Variants in SH2B1 observed in about 807,000 individuals in gnomAD.
SH2B1 encodes SH2B adapter protein 1.
Under a neutral mutation model 62.6 loss-of-function variants are expected in SH2B1, and 15 were observed. The ratio of observed to expected loss-of-function variants is 0.24; its 90% confidence interval spans 0.16 to 0.37. SH2B1 has a LOEUF of 0.37. Among genes scored for constraint, SH2B1 ranks in the 10% least tolerant of loss-of-function variants. The pLI is 1.00. For synonymous variants in SH2B1, 443 were observed against 438.0 expected (o/e 1.01, Z -0.14); for missense variants, 925 against 1,015.6 (o/e 0.91, Z 1.21).
chr16:28,852,196 T>TATTTACATATATATATTTACA (rs1962115247), intron 1 of SH2B1, among the ~76,000 whole-genome samples: 1 of 82,922 alleles, frequency 1.2e-5, no homozygotes, highest in African/African-American at 5.5e-5. Context: ...ATATTTTTAT[T>TATTTACATATATATATTTACA]TATATATTTA....
intron 4 of SH2B1, 79 bp downstream of exon 4, chr16:28,869,462 C>G (rs1021974222): frequency 1.5e-6 from 2 of 1,300,606 alleles, no homozygotes; most frequent in African/African-American, 2.9e-5. Context: ...CATGCCCTCT[C>G]CAGACGCCAC....
At position 28,871,889 on chromosome 16, in the gene SH2B1, C is replaced by G; in HGVS notation, c.1419C>G (p.Pro473=). The G allele has an allele frequency of 1.4e-6, 2 of 1,476,308 alleles. No individual in the cohort carries two copies. The highest frequency in any genetic ancestry group is 1.9e-6 in the Non-Finnish European group (2 of 1,059,176). 91.5% of individuals were successfully genotyped at this position (1,476,308 alleles called of 1,614,324 possible). A position where few individuals can be genotyped will look rare whatever the true frequency, so the allele number is the denominator to read the frequency against. Residue 473 remains proline, a synonymous_variant, in exon 5 of 8, where the codon CCC becomes CCG. Transcript: ENST00000684370. ...DSMELLPPEL[P]PRIPIEEGPP... is the part of the protein sequence containing the mutation. ...TGGAACTGCTTCCCCCAGAGTTGCC[C>G]CCCCGCATCCCCATTGAAGAGGGAC...
rs1322065188 is a variant in SH2B1 at position 28,852,392 on chromosome 16, A to ATT, written c.-301+5566_-301+5567insTT. On this transcript the variant is annotated intron_variant, in intron 1 of 10. Coordinates refer to the SH2B1 transcript ENST00000322610. ...TATATATTTACATATATTTATATAT[A>ATT]TACATATATATTTACATATATATTT... is the stretch of plus-strand genomic sequence containing the variant. Among the ~76,000 whole-genome samples, 16 of 72,348 alleles carry ATT rather than the reference A, an allele frequency of 2.2e-4. 4 individuals are homozygous for ATT. The East Asian group carries it at 4.6e-3, about 21-fold the overall frequency. The allele number at this position is 72,348 out of a possible 152,430, so 47.5% of individuals were successfully genotyped here. A position where few individuals can be genotyped will look rare whatever the true frequency, so the allele number is the denominator to read the frequency against.
At position 28,867,598 on chromosome 16, in the gene SH2B1, A is replaced by T. The variant is rs559909945; in HGVS notation, c.1041+166A>T. Among the ~76,000 whole-genome samples, 35 of 152,324 alleles carry T rather than the reference A, an allele frequency of 2.3e-4. 1 individual carries two copies. The highest frequency in any genetic ancestry group is 1.9e-3 in the South Asian group (9 of 4,830). On this transcript the variant is annotated intron_variant, in intron 2 of 7. Transcript: ENST00000684370. ...TTCTGGGATAGCGGAAGACAGGGAAATGTTCTTACTCTCAAAAACAATGCC... is the reference window on the plus strand; with the variant it reads ...TTCTGGGATAGCGGAAGACAGGGAATTGTTCTTACTCTCAAAAACAATGCC...
At chr16:28,858,507 CTG>C (rs906705493) in intron 1 of SH2B1, among the ~76,000 whole-genome samples, 22 of 152,116 alleles carry the variant, frequency 1.4e-4, no homozygotes, top group African/African-American at 5.3e-4. Flanking sequence ...CAGTGAGACT[CTG>C]TCTCAAACAA....
At chr16:28,868,966 C>G in intron 2 of SH2B1, 40 bp from the exon 3 acceptor site, 1 of 1,485,450 alleles carries the variant, frequency 6.7e-7, no homozygotes, top group Non-Finnish European at 9.4e-7. Context: ...AGCCTCCTCC[C>G]TGCCCCTGCC....
At position 28,856,272 on chromosome 16, in the gene SH2B1, C is replaced by CAA. The variant is rs56248422; in HGVS notation, c.-300-5330_-300-5329dup. Among the ~76,000 whole-genome samples, 145 of 97,378 alleles carry CAA rather than the reference C, an allele frequency of 1.5e-3. 1 individual carries two copies. Among genetic ancestry groups the CAA allele is most frequent in the Middle Eastern group, 7.0e-3 (1 of 142 alleles). The allele number at this position is 97,378 out of a possible 152,430, so 63.9% of individuals were successfully genotyped here. ...CAGGGGACCGTGCAAGACTCCATCT[C>CAA]AAAAAAAAAAAAAAAAACCACACAC... On this transcript the variant is annotated intron_variant, in intron 1 of 10. Transcript: ENST00000322610.
In SH2B1 at chr16:28,869,114, C is replaced by G; in HGVS notation, c.1133+17C>G. On this transcript the variant is annotated intron_variant, in intron 3 of 7. Transcript: ENST00000684370. ...GAGCCCAGGGTGAGAAGCCTGACTT[C>G]TGTCGCTAAGGGACATAGAGTGGGG... The G allele has an allele frequency of 2.5e-6, 4 of 1,613,888 alleles. No individual in the cohort carries two copies. The highest frequency in any genetic ancestry group is 2.5e-6 in the Non-Finnish European group (3 of 1,179,738).
chr16:28,863,678 A>G, upstream of SH2B1: 1 of 1,534,996 alleles, frequency 6.5e-7, no homozygotes, highest in African/African-American at 1.4e-5. Context: ...GTGCAACTGG[A>G]GAAGGCACTG....
intron 1 of SH2B1, among the ~76,000 whole-genome samples, chr16:28,855,868 G>T (rs1962313306): frequency 7.2e-6 from 1 of 138,496 alleles, no homozygotes; most frequent in Non-Finnish European, 1.5e-5. Flanking sequence ...TGTTGGCCAG[G>T]ATGGTCTCGA....
chr16:28,857,241 T>C (rs1298322767), intron 1 of SH2B1, among the ~76,000 whole-genome samples: 1 of 149,850 alleles, frequency 6.7e-6, no homozygotes, highest in Non-Finnish European at 1.5e-5. Flanking sequence ...CGAGATTGCA[T>C]CACTGCACTC....
At chr16:28,858,246 C>T (rs923716540) in intron 1 of SH2B1, among the ~76,000 whole-genome samples, 4 of 152,092 alleles carry the variant, frequency 2.6e-5, no homozygotes, top group East Asian at 1.9e-4. Flanking sequence ...GGCACAGTGG[C>T]TCACGCCTGT....
rs544953325 is a variant in SH2B1 at position 28,857,800 on chromosome 16, C to T, written c.-300-3818C>T. 2.3e-4 allele frequency among the ~76,000 whole-genome samples: 35 copies of T among 150,394 alleles called. 1 individual carries two copies. The highest frequency in any genetic ancestry group is 1.5e-3 in the South Asian group (7 of 4,758). ...TGTTGCCCAGGCTGGAGTGCAGTGG[C>T]GCAATCTCGGCTCACTGCAAGCTCC... On this transcript the variant is annotated intron_variant, in intron 1 of 10. Coordinates refer to the SH2B1 transcript ENST00000322610.
upstream of SH2B1, chr16:28,863,704 C>G (rs1466501177): frequency 1.0e-5 from 16 of 1,535,674 alleles, no homozygotes; most frequent in South Asian, 3.6e-5. Context: ...CTACGAGATT[C>G]ACACCGTCTT....
In SH2B1 at chr16:28,864,490, T is replaced by C; in HGVS notation, c.-1605T>C. 2.0e-6 allele frequency: 2 copies of C among 985,732 alleles called. No homozygotes were observed. The highest frequency in any genetic ancestry group is 2.4e-6 in the Non-Finnish European group (2 of 830,044). The allele number at this position is 985,732 out of a possible 1,614,324, so 61.1% of individuals were successfully genotyped here. A position where few individuals can be genotyped will look rare whatever the true frequency, so the allele number is the denominator to read the frequency against. On this transcript the variant is annotated 5_prime_UTR_variant, in exon 1 of 8. Transcript: ENST00000684370. ...GACTCCTGCATCTCCTGATTGTTTC[T>C]CGTTGGTTTGGAGTTGTCCCTGCGG...
In SH2B1 at chr16:28,873,529, G is replaced by A. The variant is rs776698232; in HGVS notation, c.1980G>A (p.Ala660=). 7.4e-5 allele frequency: 118 copies of A among 1,604,080 alleles called. No individual in the cohort carries two copies. The highest frequency in any genetic ancestry group is 9.8e-5 in the Non-Finnish European group (115 of 1,176,080). The change falls in exon 8 of 8, where the codon GCG becomes GCA. Residue 660 remains alanine (A), a synonymous_variant. Coordinates refer to ENST00000684370, the MANE Select transcript of SH2B1 (RefSeq NM_001387430.1). The surrounding 1 kb of genome is among the most constrained non-coding windows in gnomAD (Gnocchi z 4.2). ...CCCCACAGCCTGGGGCAGAAGAGGC[G>A]TCGAGGGCGCCAGAAGTGGCGGCAG... The part of the protein sequence containing the change: ...TDPPQPGAEE[A]SRAPEVAAAA...
In SH2B1 at chr16:28,865,791, A is replaced by T. The variant is rs1269028382; in HGVS notation, c.-304A>T. On this transcript the variant is annotated 5_prime_UTR_variant, in exon 1 of 8. Transcript: ENST00000684370. ...TCCAAAGCTAAGGAAAGTGGGGGCAAATGTGGCAGGCTCGGGGCAGGTTAG... is the reference window on the plus strand; with the variant it reads ...TCCAAAGCTAAGGAAAGTGGGGGCATATGTGGCAGGCTCGGGGCAGGTTAG... 3.4e-6 allele frequency: 4 copies of T among 1,161,430 alleles called. No individual in the cohort carries two copies. Among genetic ancestry groups the T allele is most frequent in the Admixed American group, 4.4e-5 (1 of 22,668 alleles). 71.9% of individuals were successfully genotyped at this position (1,161,430 alleles called of 1,614,324 possible).
At chr16:28,861,009 G>C (rs1367924486), upstream of SH2B1, among the ~76,000 whole-genome samples, 1 of 151,940 alleles carries the variant, frequency 6.6e-6, no homozygotes, top group Non-Finnish European at 1.5e-5. Flanking sequence ...GTAGAGATGA[G>C]GTTTCGCCAT....
Position 28,863,952 on chromosome 16 carries a change from C to G in SH2B1, c.-2143C>G. 1 of 1,454,930 alleles carries G rather than the reference C, an allele frequency of 6.9e-7. No homozygotes were observed. Among genetic ancestry groups the G allele is most frequent in the Non-Finnish European group, 9.0e-7 (1 of 1,111,290 alleles). The allele number at this position is 1,454,930 out of a possible 1,614,324, so 90.1% of individuals were successfully genotyped here. ...CTCGGGGACCGAGATGCAGGTGGGA[C>G]CGGAACCGGAACCCCCCTCTTCAAG... On this transcript the variant is annotated 5_prime_UTR_variant, in exon 1 of 8. Coordinates refer to ENST00000684370, the MANE Select transcript of SH2B1 (RefSeq NM_001387430.1).
Sources: gnomAD v4.1 joint callset for allele counts (sites outside exome capture counted in the v4.1 genomes callset) on GRCh38, gnomAD v4.1.1 for gene constraint, Gnocchi (gnomAD v3.1) non-coding constraint, MANE v1.5 for transcripts, NCBI Gene and HGNC (gene_info 2026-07-23, HGNC 2026-07-21) for gene names.